The following NTM variants were observed in gnomAD, a reference collection of about 807,000 sequenced individuals.
NTM encodes neurotrimin, also known as IgLON family member 2.
Under a neutral mutation model 42.1 loss-of-function variants are expected in NTM, and 13 were observed. That is an observed-to-expected ratio of 0.31 (90% CI 0.20 to 0.49). The LOEUF is 0.49. Among genes scored for constraint, NTM ranks in the 20% least tolerant of loss-of-function variants. NTM has a pLI of 0.99. For synonymous variants in NTM, 187 were observed against 179.2 expected (o/e 1.04, Z -0.35); for missense variants, 373 against 452.8 (o/e 0.82, Z 1.60).
At chr11:132,190,491 A>G (rs2079127838) in intron 3 of NTM, among the ~76,000 whole-genome samples, 1 of 152,136 alleles carries the variant, frequency 6.6e-6, no homozygotes, top group Non-Finnish European at 1.5e-5. Context: ...TAATCCCAGC[A>G]CTTTGGGAGG....
intron 4 of NTM, among the ~76,000 whole-genome samples, chr11:132,274,674 C>T (rs1266870912): frequency 1.3e-5 from 2 of 152,090 alleles, no homozygotes; most frequent in African/African-American, 4.8e-5. Flanking sequence ...TTGGAACTTG[C>T]TTTATAGCCC....
intron 1 of NTM, among the ~76,000 whole-genome samples, chr11:131,386,049 T>C (rs1488564890): frequency 6.6e-6 from 1 of 152,150 alleles, no homozygotes; most frequent in African/African-American, 2.4e-5. Context: ...TTATTCACAA[T>C]AGTGAAGGTA....
chr11:131,619,524 G>C (rs1043464465), intron 1 of NTM, among the ~76,000 whole-genome samples: 12 of 152,202 alleles, frequency 7.9e-5, no homozygotes, highest in Admixed American at 6.5e-5. Flanking sequence ...TATGGATTTA[G>C]TACTACGTTG....
chr11:131,736,708 C>T (rs973986672), intron 1 of NTM, among the ~76,000 whole-genome samples: 4 of 152,108 alleles, frequency 2.6e-5, no homozygotes, highest in Non-Finnish European at 4.4e-5. Context: ...AGATGATGAG[C>T]GTAACTCAAC....
chr11:132,148,378 G>T (rs2071058333), intron 3 of NTM, among the ~76,000 whole-genome samples: 1 of 152,100 alleles, frequency 6.6e-6, no homozygotes, highest in Non-Finnish European at 1.5e-5. Context: ...GCTGGTGAAT[G>T]CCCTGGTGCC....
At chr11:131,499,080 A>G (rs947369418) in intron 1 of NTM, among the ~76,000 whole-genome samples, 1 of 152,148 alleles carries the variant, frequency 6.6e-6, no homozygotes, top group Non-Finnish European at 1.5e-5. Flanking sequence ...AATAAAGCAC[A>G]GTGATTATGA....
intron 1 of NTM, among the ~76,000 whole-genome samples, chr11:131,414,286 T>C (rs1207923622): frequency 6.6e-6 from 1 of 152,184 alleles, no homozygotes; most frequent in African/African-American, 2.4e-5. Context: ...GAGCAGAGGC[T>C]GGAGAGCTGA....
chr11:132,013,902 T>C (rs75283947), intron 2 of NTM, among the ~76,000 whole-genome samples: 2,899 of 152,228 alleles, frequency 0.019, 73 homozygotes, highest in African/African-American at 0.055. Context: ...AGTGGTATCT[T>C]CTAGCCATTT....
At chr11:132,195,053 C>G (rs562454132) in intron 3 of NTM, among the ~76,000 whole-genome samples, 1 of 151,898 alleles carries the variant, frequency 6.6e-6, no homozygotes, top group Non-Finnish European at 1.5e-5. Flanking sequence ...GAACTCCTAA[C>G]CTCAAGTGAT....
At position 132,212,065 on chromosome 11, in the gene NTM, T is replaced by G. The variant is rs751542860; in HGVS notation, c.444T>G (p.Asn148Lys). Residue 148 changes from asparagine to lysine, a missense_variant, in exon 4 of 9, where the codon AAT (asparagine) becomes AAG (lysine). Transcript: ENST00000683400. ...IVEISSDISI[N>K]EGNNISLTCI... is the part of the protein sequence containing the mutation. ...AGATTTCTTCAGATATCTCCATTAA[T>G]GAAGGGAACAATATTAGCCTCACCT... is the stretch of plus-strand genomic sequence containing the variant. 1.9e-6 allele frequency: 3 copies of G among 1,613,398 alleles called. No individual in the cohort carries two copies. The highest frequency in any genetic ancestry group is 1.7e-6 in the Non-Finnish European group (2 of 1,179,540).
At chr11:132,057,563 T>C (rs1339814734) in intron 2 of NTM, among the ~76,000 whole-genome samples, 1 of 152,166 alleles carries the variant, frequency 6.6e-6, no homozygotes, top group Non-Finnish European at 1.5e-5. Flanking sequence ...AAACACTTCA[T>C]GTTCCTCTGA....
chr11:131,413,809 T>C (rs1459936332), intron 1 of NTM, among the ~76,000 whole-genome samples: 1 of 152,004 alleles, frequency 6.6e-6, no homozygotes, highest in Non-Finnish European at 1.5e-5. Context: ...GGACAAGTTA[T>C]GGAGATGAAA....
intron 1 of NTM, among the ~76,000 whole-genome samples, chr11:131,498,844 C>T (rs1215543602): frequency 6.6e-6 from 1 of 152,196 alleles, no homozygotes; most frequent in Non-Finnish European, 1.5e-5. Context: ...CCTGGAGGCA[C>T]CTGCTGGTAA....
At chr11:131,533,210 C>T (rs1487227099) in intron 1 of NTM, among the ~76,000 whole-genome samples, 1 of 152,012 alleles carries the variant, frequency 6.6e-6, no homozygotes, top group Non-Finnish European at 1.5e-5. Flanking sequence ...AAATAACAAC[C>T]CAGGAAAACC....
At chr11:131,701,753 G>T (rs1216005033) in intron 1 of NTM, among the ~76,000 whole-genome samples, 1 of 152,078 alleles carries the variant, frequency 6.6e-6, no homozygotes, top group African/African-American at 2.4e-5. Context: ...GGGCATGAGG[G>T]CCTAGACAAA....
intron 1 of NTM, among the ~76,000 whole-genome samples, chr11:131,676,434 TA>T (rs1565409384): frequency 6.6e-6 from 1 of 151,506 alleles, no homozygotes; most frequent in African/African-American, 2.5e-5. Context: ...AGGGTGTGTG[TA>T]TCTGTGTGTG....
rs1031139285 is a variant in NTM at position 131,892,660 on chromosome 11, T to C, written c.83-18904T>C. Among the ~76,000 whole-genome samples the C allele has an allele frequency of 4.6e-5, 7 of 152,162 alleles. No individual in the cohort carries two copies. The East Asian group carries it at 9.7e-4, about 21-fold the overall frequency. On this transcript the variant is annotated intron_variant, in intron 1 of 8. Transcript: ENST00000683400. ...TTAACAGACTTGAGGGTGGAGGAAA[T>C]TTAAAGACGCTGCTGCCTCCAAGCT...
intron 2 of NTM, among the ~76,000 whole-genome samples, chr11:131,953,143 G>C (rs1220322572): frequency 1.3e-5 from 2 of 152,162 alleles, no homozygotes; most frequent in Non-Finnish European, 2.9e-5. Flanking sequence ...GGCAGACCCT[G>C]GTTGGCTTTC....
chr11:131,516,623 C>T (rs1307556516), intron 1 of NTM, among the ~76,000 whole-genome samples: 11 of 152,168 alleles, frequency 7.2e-5, no homozygotes, highest in Admixed American at 1.3e-4. Context: ...CCACCCACCT[C>T]GGCTTCTGAA....
Sources: gnomAD v4.1 joint callset for allele counts (sites outside exome capture counted in the v4.1 genomes callset) on GRCh38, gnomAD v4.1.1 for gene constraint, MANE v1.5 for transcripts, NCBI Gene and HGNC (gene_info 2026-07-23, HGNC 2026-07-21) for gene names.